ADCY2: variants seen among roughly 807,000 people sequenced by gnomAD.
The protein encoded by ADCY2 is adenylate cyclase type 2.
A neutral mutation model predicts 125.2 loss-of-function variants in ADCY2; 31 were observed. The ratio of observed to expected loss-of-function variants is 0.25; its 90% CI spans 0.19 to 0.33. ADCY2 has a LOEUF of 0.33. ADCY2 is among the 10% of genes least tolerant of loss of function. ADCY2 has a pLI of 1.00. For synonymous variants in ADCY2, 512 were observed against 548.4 expected (o/e 0.93, Z 0.93); for missense variants, 904 against 1,418.2 (o/e 0.64, Z 5.82).
chr5:7,675,995 G>A (rs1447428882), intron 4 of ADCY2, among the ~76,000 whole-genome samples: 2 of 152,140 alleles, frequency 1.3e-5, no homozygotes, highest in Non-Finnish European at 2.9e-5. Context: ...ATTATATGAT[G>A]TTTTTGAAAT....
intron 15 of ADCY2, 102 bp from the exon 16 acceptor site, chr5:7,757,347 A>G: frequency 7.0e-7 from 1 of 1,433,578 alleles, no homozygotes; most frequent in Non-Finnish European, 9.5e-7. Flanking sequence ...TTAGTCTATG[A>G]ACAATGTTGG....
rs552847234 is a variant in ADCY2, at chr5:7,704,008, A to G, written c.1110-2736A>G. On this transcript the variant is annotated intron_variant, in intron 7 of 24. Coordinates refer to ENST00000338316, the MANE Select transcript of ADCY2 (RefSeq NM_020546.3). ...CAGAGCAAGATTCTGTCCAAAAAAAAAAAAAGTTTATTTTGTTACACCCCT... is the reference window on the plus strand; with the variant it reads ...CAGAGCAAGATTCTGTCCAAAAAAAGAAAAAGTTTATTTTGTTACACCCCT... Among the ~76,000 whole-genome samples the G allele has an allele frequency of 5.7e-4, 86 of 151,466 alleles. 4 individuals carry two copies. Among genetic ancestry groups the G allele is most frequent in the African/African-American group, 2.1e-3 (85 of 41,080 alleles).
chr5:7,660,246 AGG>A (rs1292827034), intron 4 of ADCY2, among the ~76,000 whole-genome samples: 28 of 61,264 alleles, frequency 4.6e-4, no homozygotes, highest in African/African-American at 9.4e-4. Flanking sequence ...GAGAGAAGGA[AGG>A]AAGGAAGGAA....
At chr5:7,516,827 CAG>C (rs1223208661) in intron 2 of ADCY2, among the ~76,000 whole-genome samples, 1 of 151,984 alleles carries the variant, frequency 6.6e-6, no homozygotes, top group Non-Finnish European at 1.5e-5. Context: ...TCCTAACAAA[CAG>C]AAACGCCAGT....
intron 2 of ADCY2, among the ~76,000 whole-genome samples, chr5:7,432,318 A>T (rs1472354471): frequency 6.6e-6 from 1 of 151,910 alleles, no homozygotes; most frequent in African/African-American, 2.4e-5. Context: ...TGTGGGTGCA[A>T]AAGGCTGTAA....
chr5:7,662,191 G>T (rs1047771726), intron 4 of ADCY2, among the ~76,000 whole-genome samples: 1 of 152,176 alleles, frequency 6.6e-6, no homozygotes, highest in African/African-American at 2.4e-5. Flanking sequence ...ATAATTTCTA[G>T]ATTTTAGGGA....
chr5:7,583,966 C>T (rs868215850), intron 3 of ADCY2, among the ~76,000 whole-genome samples: 1 of 151,916 alleles, frequency 6.6e-6, no homozygotes, highest in Admixed American at 6.6e-5. Flanking sequence ...TGAAAGGAAG[C>T]CCAATGCAAA....
intron 7 of ADCY2, among the ~76,000 whole-genome samples, chr5:7,702,244 T>A (rs1377763495): frequency 4.7e-5 from 7 of 150,454 alleles, no homozygotes; most frequent in Non-Finnish European, 7.4e-5. Context: ...TTTTTTTTTT[T>A]AAACTTTCAG....
At chr5:7,588,562 G>A (rs997949832) in intron 3 of ADCY2, among the ~76,000 whole-genome samples, 4 of 152,196 alleles carry the variant, frequency 2.6e-5, no homozygotes, top group Non-Finnish European at 5.9e-5. Flanking sequence ...TGTAAAGGCC[G>A]AGACAATACT....
At position 7,750,795 on chromosome 5, in the gene ADCY2, G is replaced by A. The variant is rs544110460; in HGVS notation, c.1957-6654G>A. Among the ~76,000 whole-genome samples, 3 of 151,698 alleles carry A rather than the reference G, an allele frequency of 2.0e-5. No homozygotes were observed. The South Asian group carries it at 6.3e-4, about 32-fold the overall frequency. On this transcript the variant is annotated intron_variant, in intron 15 of 24. Coordinates refer to ENST00000338316, the MANE Select transcript of ADCY2 (RefSeq NM_020546.3). ...TTGTAGGATTTGCTCTTTGTATCAT[G>A]GGCAGTAGATTCCAGGTGTCAAAGT...
chr5:7,584,965 A>G (rs866833436), intron 3 of ADCY2, among the ~76,000 whole-genome samples: 1 of 152,176 alleles, frequency 6.6e-6, no homozygotes, highest in Non-Finnish European at 1.5e-5. Context: ...CTGACAATGT[A>G]AAATAGTGGA....
At chr5:7,699,081 A>ATTTTGTT (rs1740991015) in intron 7 of ADCY2, among the ~76,000 whole-genome samples, 1 of 37,964 alleles carries the variant, frequency 2.6e-5, no homozygotes, top group Non-Finnish European at 4.7e-5. Context: ...AACAGTAAGC[A>ATTTTGTT]TTTTTTTTTT....
At chr5:7,773,596 T>C (rs1743623791) in intron 18 of ADCY2, among the ~76,000 whole-genome samples, 1 of 152,128 alleles carries the variant, frequency 6.6e-6, no homozygotes, top group South Asian at 2.1e-4. Flanking sequence ...AAGCAAAATA[T>C]TGAAAAAATA....
At position 7,754,011 on chromosome 5, in the gene ADCY2, T is replaced by A. The variant is rs145359817; in HGVS notation, c.1957-3438T>A. On this transcript the variant is annotated intron_variant, in intron 15 of 24. Transcript: ENST00000338316. ...GTGAGGGAGAACTTTGAGGTATGCA[T>A]GGAAAATGCATGGGTGAATAATTGA... is the stretch of plus-strand genomic sequence containing the variant. Among the ~76,000 whole-genome samples, 282 of 152,270 alleles carry A rather than the reference T, an allele frequency of 1.9e-3. 1 individual carries two copies. In the Middle Eastern group the frequency reaches 0.027, roughly 15 times the overall value.
chr5:7,778,566 A>G (rs1743815373), intron 18 of ADCY2, among the ~76,000 whole-genome samples: 1 of 152,200 alleles, frequency 6.6e-6, no homozygotes, highest in Non-Finnish European at 1.5e-5. Context: ...AAATGTCTGC[A>G]AAAGTTTACC....
intron 3 of ADCY2, among the ~76,000 whole-genome samples, chr5:7,596,724 C>A (rs541824155): frequency 6.6e-6 from 1 of 152,160 alleles, no homozygotes; most frequent in African/African-American, 2.4e-5. Flanking sequence ...CTGCATCTAC[C>A]CCACCTGTGT....
chr5:7,512,641 G>T (rs1239928207), intron 2 of ADCY2, among the ~76,000 whole-genome samples: 1 of 152,140 alleles, frequency 6.6e-6, no homozygotes, highest in Non-Finnish European at 1.5e-5. Flanking sequence ...TGATAATCTA[G>T]AGTCTCTGTG....
In ADCY2 at chr5:7,649,667, T is replaced by G. The variant is rs149587862; in HGVS notation, c.720+23351T>G. On this transcript the variant is annotated intron_variant, in intron 4 of 24. Coordinates refer to ENST00000338316, the MANE Select transcript of ADCY2 (RefSeq NM_020546.3). ...TACCCTTAGGGATCTCACCCATTCT[T>G]ACTGCTTTACAACCGTCTACACACT... Among the ~76,000 whole-genome samples, 27 of 152,286 alleles carry G rather than the reference T, an allele frequency of 1.8e-4. No homozygotes were observed. In the East Asian group the frequency reaches 4.8e-3, roughly 27 times the overall value.
intron 2 of ADCY2, among the ~76,000 whole-genome samples, chr5:7,463,957 C>T (rs1255724344): frequency 6.6e-6 from 1 of 152,082 alleles, no homozygotes; most frequent in Non-Finnish European, 1.5e-5. Flanking sequence ...TTTGGTGCAT[C>T]TTATGTAACA....
Sources: gnomAD v4.1 joint callset for allele counts (sites outside exome capture counted in the v4.1 genomes callset) on GRCh38, gnomAD v4.1.1 for gene constraint, MANE v1.5 for transcripts, NCBI Gene and HGNC (gene_info 2026-07-23, HGNC 2026-07-21) for gene names.